ABCA13: variants seen among roughly 807,000 people sequenced by gnomAD.
The protein encoded by ABCA13 is ATP binding cassette subfamily A member 13, also known as ATP-binding cassette sub-family A member 13.
Under a neutral mutation model 478.7 loss-of-function variants are expected in ABCA13, and 476 were observed. The ratio of observed to expected loss-of-function variants is 0.99; its 90% CI spans 0.92 to 1.07. The LOEUF is 1.07. ABCA13 is among the 50% of genes least tolerant of loss of function. ABCA13 has a pLI of 0.00. For synonymous variants in ABCA13, 2,252 were observed against 2,158.9 expected (o/e 1.04, Z -1.20); for missense variants, 6,060 against 5,910.6 (o/e 1.03, Z -0.83).
intron 42 of ABCA13, among the ~76,000 whole-genome samples, chr7:48,447,865 T>G (rs1272666772): frequency 6.6e-6 from 1 of 152,178 alleles, no homozygotes; most frequent in Admixed American, 6.5e-5. Flanking sequence ...CCTCAGCGCA[T>G]ATGAAGAAGA....
chr7:48,262,311 G>A (rs1303691729), intron 15 of ABCA13, among the ~76,000 whole-genome samples: 1 of 151,828 alleles, frequency 6.6e-6, no homozygotes, highest in Non-Finnish European at 1.5e-5. Flanking sequence ...TGGGGTGATG[G>A]AGAGAGTGTG....
intron 45 of ABCA13, among the ~76,000 whole-genome samples, chr7:48,479,182 C>T (rs1828488566): frequency 6.6e-6 from 1 of 151,710 alleles, no homozygotes; most frequent in Non-Finnish European, 1.5e-5. Flanking sequence ...GATCTCCTGA[C>T]CTCGTGATCT....
intron 42 of ABCA13, among the ~76,000 whole-genome samples, chr7:48,451,972 TTGTC>T (rs1341108293): frequency 1.3e-5 from 2 of 152,228 alleles, no homozygotes; most frequent in Non-Finnish European, 2.9e-5. Context: ...CATTTTAATT[TTGTC>T]TGTTAAATTA....
At chr7:48,372,532 AACAAC>A in intron 33 of ABCA13, 35 bp downstream of exon 33, 1 of 1,448,332 alleles carries the variant, frequency 6.9e-7, no homozygotes, top group Non-Finnish European at 9.3e-7. Flanking sequence ...AAAAAAAAAA[AACAAC>A]AAAATTGCAA....
At chr7:48,457,291 G>A (rs1825782556) in intron 43 of ABCA13, among the ~76,000 whole-genome samples, 1 of 151,904 alleles carries the variant, frequency 6.6e-6, no homozygotes, top group South Asian at 2.1e-4. Flanking sequence ...ATATATAAGT[G>A]TATTTCCACA....
intron 48 of ABCA13, among the ~76,000 whole-genome samples, chr7:48,505,251 A>C (rs1831099180): frequency 6.6e-6 from 1 of 152,174 alleles, no homozygotes; most frequent in South Asian, 2.1e-4. Flanking sequence ...GCTGGGGAGA[A>C]GAGCAGGTGG....
chr7:48,171,612 C>G, intron 1 of ABCA13, 60 bp downstream of exon 1: 1 of 1,507,800 alleles, frequency 6.6e-7, no homozygotes, highest in Non-Finnish European at 8.9e-7. Flanking sequence ...AGATCAGGGT[C>G]TATTCTTTCC....
chr7:48,229,433 G>A (rs1788721987), intron 6 of ABCA13, among the ~76,000 whole-genome samples: 2 of 152,128 alleles, frequency 1.3e-5, no homozygotes, highest in Admixed American at 6.5e-5. Flanking sequence ...AAGCAGCCAG[G>A]CTGACTGTTC....
At chr7:48,249,136 G>A in intron 14 of ABCA13, 76 bp from the exon 15 acceptor site, 1 of 1,383,432 alleles carries the variant, frequency 7.2e-7, no homozygotes, top group Non-Finnish European at 9.8e-7. Context: ...TTTGTTTTTA[G>A]AAAAATTTAT....
At chr7:48,602,869 G>GT (rs947044074) in intron 58 of ABCA13, among the ~76,000 whole-genome samples, 1 of 152,022 alleles carries the variant, frequency 6.6e-6, no homozygotes, top group African/African-American at 2.4e-5. Flanking sequence ...AGCATGGAAT[G>GT]TTTTTTTCAC....
chr7:48,374,297 T>C, intron 33 of ABCA13, 50 bp from the exon 34 acceptor site: 1 of 1,530,420 alleles, frequency 6.5e-7, no homozygotes, highest in Non-Finnish European at 8.9e-7. Flanking sequence ...TTTTCTGTGG[T>C]CCCAATCAAA....
intron 3 of ABCA13, among the ~76,000 whole-genome samples, chr7:48,209,381 G>A (rs1218699577): frequency 6.6e-6 from 1 of 152,062 alleles, no homozygotes; most frequent in Admixed American, 6.6e-5. Flanking sequence ...TGGCACTGCA[G>A]AACGAGTTTG....
At chr7:48,483,219 C>A in intron 47 of ABCA13, 56 bp downstream of exon 47, 1 of 1,445,310 alleles carries the variant, frequency 6.9e-7, no homozygotes, top group Non-Finnish European at 9.5e-7. Context: ...GAAAACTCAA[C>A]ATTCAAATAT....
intron 31 of ABCA13, among the ~76,000 whole-genome samples, chr7:48,366,645 G>C (rs1277608292): frequency 6.6e-6 from 1 of 151,988 alleles, no homozygotes; most frequent in Non-Finnish European, 1.5e-5. Flanking sequence ...CTCCATACAT[G>C]AGAGGCAACC....
At chr7:48,397,424 C>T (rs1481705983) in intron 38 of ABCA13, among the ~76,000 whole-genome samples, 1 of 151,508 alleles carries the variant, frequency 6.6e-6, no homozygotes, top group African/African-American at 2.4e-5. Flanking sequence ...AATATATACT[C>T]ATTTCTTTCA....
chr7:48,410,455 A>G, intron 39 of ABCA13, 65 bp from the exon 40 acceptor site: 2 of 1,589,132 alleles, frequency 1.3e-6, no homozygotes, highest in Admixed American at 1.7e-5. Context: ...TCCTGAGGAA[A>G]GGAGGGAAGG....
intron 58 of ABCA13, among the ~76,000 whole-genome samples, chr7:48,612,831 G>A (rs1357355822): frequency 6.6e-6 from 1 of 151,572 alleles, no homozygotes; most frequent in Non-Finnish European, 1.5e-5. Context: ...ATGACATATT[G>A]AGAATTACTG....
Position 48,645,750 on chromosome 7 carries a change from T to G in ABCA13, c.*238T>G, listed in dbSNP as rs1284158242. Reference sequence around the variant, plus strand: ...TCCAAAACATTTGTTCTCTTTACCATGCCAGATGGACACCAGCTTCTTTGT... The same window carrying G: ...TCCAAAACATTTGTTCTCTTTACCAGGCCAGATGGACACCAGCTTCTTTGT... On this transcript the variant is annotated 3_prime_UTR_variant, in exon 62 of 62. Transcript: ENST00000435803. The G allele has an allele frequency of 2.3e-6, 1 of 437,276 alleles. No individual in the cohort carries two copies. Among genetic ancestry groups the G allele is most frequent in the African/African-American group, 2.1e-5 (1 of 48,430 alleles). 27.1% of individuals were successfully genotyped at this position (437,276 alleles called of 1,614,324 possible).
intron 42 of ABCA13, among the ~76,000 whole-genome samples, chr7:48,436,144 G>A (rs1822800951): frequency 1.3e-5 from 2 of 151,486 alleles, no homozygotes. Flanking sequence ...GAAGACATCT[G>A]AGCTTTATTT....
Sources: allele counts gnomAD v4.1 joint callset (sites outside exome capture counted in the v4.1 genomes callset), GRCh38; gene constraint gnomAD v4.1.1; transcripts MANE v1.5; gene names NCBI Gene and HGNC (gene_info 2026-07-23, HGNC 2026-07-21).